NRG1: variants seen among roughly 807,000 people sequenced by gnomAD.
NRG1 encodes neuregulin 1, also known as pro-neuregulin-1, membrane-bound isoform.
Under a neutral mutation model 63.8 loss-of-function variants are expected in NRG1, and 18 were observed. The observed-to-expected ratio is 0.28, with a 90% CI of 0.19 to 0.42. The LOEUF (loss-of-function observed/expected upper bound fraction) is 0.42, where lower values mean the gene tolerates loss of function less well. Among genes scored for constraint, NRG1 ranks in the 10% least tolerant of loss-of-function variants. NRG1 has a pLI of 1.00. For synonymous variants in NRG1, 302 were observed against 301.3 expected, an observed-to-expected ratio of 1.00 and a Z score of -0.02; for missense variants, 762 against 814.7, an observed-to-expected ratio of 0.94 and a Z score of 0.79.
intron 1 of NRG1, among the ~76,000 whole-genome samples, chr8:32,383,059 T>TAAA (rs56030067): frequency 7.9e-6 from 1 of 126,486 alleles, no homozygotes; most frequent in Non-Finnish European, 1.7e-5. Flanking sequence ...TCGTCCCTAC[T>TAAA]AAAAAAAAAA....
chr8:31,974,432 G>A (rs1807823143), intron 1 of NRG1, among the ~76,000 whole-genome samples: 1 of 152,154 alleles, frequency 6.6e-6, no homozygotes, highest in African/African-American at 2.4e-5. Flanking sequence ...CTGGTATGAA[G>A]CACTGTGCCT....
intron 1 of NRG1, among the ~76,000 whole-genome samples, chr8:32,493,800 TC>T (rs1826880082): frequency 6.6e-6 from 1 of 152,136 alleles, no homozygotes; most frequent in Non-Finnish European, 1.5e-5. Context: ...GATAATGAGT[TC>T]CCCCTGTTGG....
chr8:31,885,306 A>T (rs1357177239), intron 1 of NRG1, among the ~76,000 whole-genome samples: 1 of 152,138 alleles, frequency 6.6e-6, no homozygotes, highest in Admixed American at 6.6e-5. Context: ...TTACTGGAGG[A>T]CAGGAAAGCA....
intron 3 of NRG1, among the ~76,000 whole-genome samples, chr8:32,609,500 C>T (rs907782172): frequency 6.6e-6 from 1 of 151,656 alleles, no homozygotes; most frequent in Non-Finnish European, 1.5e-5. Context: ...TAGATATTTA[C>T]CGTTGACTTG....
intron 1 of NRG1, among the ~76,000 whole-genome samples, chr8:32,477,160 T>C (rs1274897500): frequency 6.6e-6 from 1 of 152,160 alleles, no homozygotes; most frequent in Non-Finnish European, 1.5e-5. Flanking sequence ...CTGGGACCTG[T>C]GCCTTTCCGA....
At chr8:32,612,902 T>TA (rs1846620293) in intron 3 of NRG1, among the ~76,000 whole-genome samples, 1 of 151,530 alleles carries the variant, frequency 6.6e-6, no homozygotes, top group Non-Finnish European at 1.5e-5. Flanking sequence ...ACATGGCCCT[T>TA]CTAGATATTT....
intron 1 of NRG1, among the ~76,000 whole-genome samples, chr8:31,829,010 C>T (rs1824849113): frequency 6.6e-6 from 1 of 152,194 alleles, no homozygotes; most frequent in African/African-American, 2.4e-5. Flanking sequence ...GGAGACAGGG[C>T]CTCTTTGAAG....
intron 1 of NRG1, among the ~76,000 whole-genome samples, chr8:31,784,080 T>C (rs1819953959): frequency 6.6e-6 from 1 of 152,200 alleles, no homozygotes. Context: ...AATTCAGATA[T>C]GCTGATTCCG....
At position 32,703,019 on chromosome 8, in the gene NRG1, G is replaced by C. The variant is rs74475952; in HGVS notation, c.503-24930G>C. Among the ~76,000 whole-genome samples the C allele has an allele frequency of 2.5e-4, 38 of 152,170 alleles. No individual in the cohort carries two copies. In the East Asian group the frequency reaches 6.9e-3, roughly 28 times the overall value. On this transcript the variant is annotated intron_variant, in intron 5 of 11. Coordinates refer to ENST00000356819, the Ensembl canonical transcript of NRG1. ...GCAAATTTGATTGGGTTTCATGTTG[G>C]TTTTCCTTAAATAAATCAACAGTTT...
intron 1 of NRG1, among the ~76,000 whole-genome samples, chr8:32,262,078 A>G (rs1054126525): frequency 1.3e-5 from 2 of 152,164 alleles, no homozygotes; most frequent in Admixed American, 6.5e-5. Context: ...AATGAAAAGT[A>G]TTACTAATTA....
At chr8:32,549,144 C>T (rs1023289832) in intron 1 of NRG1, among the ~76,000 whole-genome samples, 1 of 152,226 alleles carries the variant, frequency 6.6e-6, no homozygotes, top group Non-Finnish European at 1.5e-5. Context: ...GAGCCCAGCC[C>T]GGGAGTGGGA....
chr8:32,756,194 A>G (rs1442113235), intron 8 of NRG1, among the ~76,000 whole-genome samples: 2 of 152,120 alleles, frequency 1.3e-5, no homozygotes, highest in East Asian at 1.9e-4. Context: ...CTAAATTTCC[A>G]TAAGAATCCC....
In NRG1 at chr8:32,047,352, T is replaced by A. The variant is rs532767208; in HGVS notation, c.37+407921T>A. On this transcript the variant is annotated intron_variant, in intron 1 of 10. Coordinates refer to the NRG1 transcript ENST00000519301. ...GACAACCTGAACGTTTTTTCATGATTTCAATACCCCTATAAAAAGATAAAG... is the reference window on the plus strand; with the variant it reads ...GACAACCTGAACGTTTTTTCATGATATCAATACCCCTATAAAAAGATAAAG... Among the ~76,000 whole-genome samples, 15 of 152,080 alleles carry A rather than the reference T, an allele frequency of 9.9e-5. 1 individual carries two copies. Among genetic ancestry groups the A allele is most frequent in the South Asian group, 4.1e-4 (2 of 4,830 alleles).
chr8:31,864,142 A>T (rs1055444236), intron 1 of NRG1, among the ~76,000 whole-genome samples: 2 of 152,190 alleles, frequency 1.3e-5, no homozygotes, highest in Non-Finnish European at 1.5e-5. Context: ...GAAGCTGAGG[A>T]CCATAGTGTA....
At chr8:32,170,205 G>C (rs529737530) in intron 1 of NRG1, among the ~76,000 whole-genome samples, 2 of 152,136 alleles carry the variant, frequency 1.3e-5, no homozygotes, top group Non-Finnish European at 2.9e-5. Flanking sequence ...CCAAATCTGT[G>C]ATACTCTGTT....
intron 1 of NRG1, among the ~76,000 whole-genome samples, chr8:31,770,919 G>A (rs1342309348): frequency 1.3e-5 from 2 of 151,876 alleles, no homozygotes; most frequent in Non-Finnish European, 1.5e-5. Context: ...AGCATATAAC[G>A]TAATCATAGC....
intron 1 of NRG1, among the ~76,000 whole-genome samples, chr8:32,286,325 T>C (rs1481537571): frequency 1.3e-5 from 2 of 152,200 alleles, no homozygotes; most frequent in East Asian, 1.9e-4. Context: ...ATGGGCTCTT[T>C]CCTGCTGCGG....
intron 1 of NRG1, among the ~76,000 whole-genome samples, chr8:31,936,347 G>A (rs1008741242): frequency 6.6e-6 from 1 of 152,122 alleles, no homozygotes; most frequent in African/African-American, 2.4e-5. Flanking sequence ...TGATGATTTC[G>A]CAGTTAGGGG....
chr8:32,510,955 CTTTT>C (rs60629097), intron 1 of NRG1, among the ~76,000 whole-genome samples: 3 of 125,614 alleles, frequency 2.4e-5, no homozygotes, highest in African/African-American at 5.9e-5. Context: ...TCTTTCTTTC[CTTTT>C]TTTTTTTTTT....
Sources: gnomAD v4.1 joint callset for allele counts (sites outside exome capture counted in the v4.1 genomes callset) on GRCh38, gnomAD v4.1.1 for gene constraint, MANE v1.5 for transcripts, NCBI Gene and HGNC (gene_info 2026-07-23, HGNC 2026-07-21) for gene names.